The following CXXC1 variants were observed in gnomAD, a reference collection of about 807,000 sequenced individuals.
CXXC1 encodes the protein CXXC finger protein 1.
Under a neutral mutation model 83.6 loss-of-function variants are expected in CXXC1, and 21 were observed. That is an observed-to-expected ratio of 0.25 (90% CI 0.18 to 0.36). The LOEUF is 0.36. Ranked by LOEUF, CXXC1 falls within the 10% of genes least tolerant of loss-of-function variation. The pLI is 1.00. For missense variants in CXXC1, 688 were observed against 919.5 expected (o/e 0.75, Z 3.26); for synonymous variants, 371 against 337.5 (o/e 1.10, Z -1.09).
chr18:50,285,733 C>T lies in CXXC1; in HGVS notation c.639+16G>A. On this transcript the variant is annotated intron_variant, in intron 5 of 14. Coordinates refer to ENST00000285106, the MANE Select transcript of CXXC1 (RefSeq NM_014593.4). The surrounding 1 kb of genome is among the most constrained non-coding windows in gnomAD (Gnocchi z 4.4). ...CTCTCCCACACCTGACCCTACCCAGCTCTGTCCATGCTCACCCGGGCCCGC... is the reference window on the plus strand; with the variant it reads ...CTCTCCCACACCTGACCCTACCCAGTTCTGTCCATGCTCACCCGGGCCCGC... 1 of 1,609,688 alleles carries T rather than the reference C, an allele frequency of 6.2e-7. No individual in the cohort carries two copies. The highest frequency in any genetic ancestry group is 1.7e-4 in the Middle Eastern group (1 of 5,974).
In CXXC1 at chr18:50,285,250, G is replaced by A. The variant is rs545567819; in HGVS notation, c.667-3C>T. 4.3e-6 allele frequency: 7 copies of A among 1,614,086 alleles called. No homozygotes were observed. In the African/African-American group the frequency reaches 9.3e-5, roughly 22 times the overall value. On this transcript the variant is annotated splice_polypyrimidine_tract_variant and splice_region_variant and intron_variant, in intron 6 of 14. Coordinates refer to ENST00000285106, the MANE Select transcript of CXXC1 (RefSeq NM_014593.4). This position sits in a 1 kb window ranked among gnomAD's most constrained non-coding sequence, Gnocchi z 4.4. ...TCTGAGGGCGTCACTGGTGAGAGCTGCAGGGCAGAATCTCAGGACTGGCCC... is the reference window on the plus strand; with the variant it reads ...TCTGAGGGCGTCACTGGTGAGAGCTACAGGGCAGAATCTCAGGACTGGCCC...
At position 50,285,057 on chromosome 18, in the gene CXXC1, A is replaced by G. The variant is rs1460821237; in HGVS notation, c.857T>C (p.Leu286Pro). ...PEPLSDEDLP[L>P]DPDLYQDFCA... ...GAAGTCCTGATACAGGTCAGGATCC[A>G]GAGGTAGGTCCTCATCTGAGAGTGG... The change falls in exon 7 of 15, where the codon CTG becomes CCG. Residue 286 changes from leucine to proline, a missense_variant. This residue lies in a region of CXXC1 where 190 missense variants were observed against 199.7 expected (regional missense o/e 0.95). Coordinates refer to ENST00000285106, the MANE Select transcript of CXXC1 (RefSeq NM_014593.4). The surrounding 1 kb of genome is among the most constrained non-coding windows in gnomAD (Gnocchi z 4.4). 6.8e-6 allele frequency: 11 copies of G among 1,614,266 alleles called. No individual in the cohort carries two copies. Among genetic ancestry groups the G allele is most frequent in the Non-Finnish European group, 9.3e-6 (11 of 1,180,040 alleles).
intron 7 of CXXC1, 51 bp downstream of exon 7, chr18:50,284,951 C>G (rs777513564): frequency 1.9e-6 from 3 of 1,613,026 alleles, no homozygotes; most frequent in Non-Finnish European, 1.7e-6. Flanking sequence ...GGGATACTCT[C>G]TGCTTCTGTA....
intron 11 of CXXC1, 52 bp downstream of exon 11, chr18:50,283,653 C>T: frequency 1.2e-6 from 2 of 1,609,128 alleles, no homozygotes; most frequent in Non-Finnish European, 8.5e-7. Flanking sequence ...CTGTCCCCCA[C>T]TGGCCCACTG....
Position 50,286,151 on chromosome 18 carries a change from C to T in CXXC1, c.330G>A (p.Lys110=), listed in dbSNP as rs201658397. 6.2e-7 allele frequency: 1 copy of T among 1,614,064 alleles called. No individual in the cohort carries two copies. Among genetic ancestry groups the T allele is most frequent in the Non-Finnish European group, 8.5e-7 (1 of 1,180,014 alleles). The stretch of plus-strand genomic sequence containing the variant: ...GCAGGTCTGGATCAGGGACAGGCCT[C>T]TTGCGCCCTCCACCCTCATCCCGGG... ...SEPRDEGGGR[K]RPVPDPDLQR... Residue 110 remains lysine (K), a synonymous_variant, in exon 4 of 15, where the codon AAG becomes AAA. Coordinates refer to ENST00000285106, the MANE Select transcript of CXXC1 (RefSeq NM_014593.4).
At position 50,283,500 on chromosome 18, in the gene CXXC1, G is replaced by A. The variant is rs745594884; in HGVS notation, c.1574+15C>T. On this transcript the variant is annotated intron_variant, in intron 12 of 14. Coordinates refer to ENST00000285106, the MANE Select transcript of CXXC1 (RefSeq NM_014593.4). ...CTTAACCCCCCACCTCTCACTGCGT[G>A]GCACCCTCACTTACCCTTCAATGCG... 3 of 1,612,792 alleles carry A rather than the reference G, an allele frequency of 1.9e-6. No homozygotes were observed. The highest frequency in any genetic ancestry group is 2.2e-5 in the South Asian group (2 of 91,012).
At chr18:50,286,704 G>C (rs1177793675) in intron 2 of CXXC1, 36 bp downstream of exon 2, 3 of 1,606,960 alleles carry the variant, frequency 1.9e-6, no homozygotes, top group South Asian at 1.1e-5. Flanking sequence ...ACCCCACCCT[G>C]CCAGTGTCAG....
At position 50,287,655 on chromosome 18, in the gene CXXC1, C is replaced by T; in HGVS notation, c.-66G>A. On this transcript the variant is annotated 5_prime_UTR_variant, in exon 1 of 15. Transcript: ENST00000285106. ...GACCCGCGAACCTGCACAGACCACT[C>T]GGCGGCGTCCCAGGCGGTTGCAAAG... is the stretch of plus-strand genomic sequence containing the variant. The T allele has an allele frequency of 6.3e-7, 1 of 1,597,700 alleles. No homozygotes were observed. The highest frequency in any genetic ancestry group is 8.5e-7 in the Non-Finnish European group (1 of 1,175,692).
At chr18:50,287,420 C>T in intron 1 of CXXC1, 167 bp downstream of exon 1, 1 of 796,374 alleles carries the variant, frequency 1.3e-6, no homozygotes, top group Non-Finnish European at 2.0e-6. Flanking sequence ...CACCGTGGCT[C>T]ACCATAGAAC....
chr18:50,284,305 G>C (rs1396497197), intron 9 of CXXC1, 73 bp downstream of exon 9: 1 of 1,519,384 alleles, frequency 6.6e-7, no homozygotes, highest in Non-Finnish European at 8.8e-7. Context: ...TTGACTGGTA[G>C]ACATACAGAA....
chr18:50,282,905 G>A lies in CXXC1; in HGVS notation c.1773C>T (p.Tyr591=), dbSNP rs370523882. Residue 591 remains tyrosine (Y), a synonymous_variant, in exon 14 of 15, where the codon TAC becomes TAT. Transcript: ENST00000285106. The surrounding 1 kb of genome is among the most constrained non-coding windows in gnomAD (Gnocchi z 5.8). ...RLPKRQCNRH[Y]CWEKLRRAEV... ...CCGCACGCCGCAGCTTCTCCCAGCA[G>A]TAATGGCGATTGCACTGGCGCTTGG... The A allele has an allele frequency of 3.8e-5, 61 of 1,614,210 alleles. No individual in the cohort carries two copies. In the African/African-American group the frequency reaches 6.9e-4, roughly 18 times the overall value.
At position 50,284,582 on chromosome 18, in the gene CXXC1, A is replaced by G. The variant is rs1204747019; in HGVS notation, c.1021-20T>C. Reference sequence around the variant, plus strand: ...CTCCTTCTGTTGAGCAAGACAAGTCAGGTCAGGGTGGAGTCAAAGTCAGCC... The same window carrying G: ...CTCCTTCTGTTGAGCAAGACAAGTCGGGTCAGGGTGGAGTCAAAGTCAGCC... On this transcript the variant is annotated intron_variant, in intron 8 of 14. Coordinates refer to ENST00000285106, the MANE Select transcript of CXXC1 (RefSeq NM_014593.4). The G allele has an allele frequency of 1.3e-6, 2 of 1,580,000 alleles. No individual in the cohort carries two copies. The highest frequency in any genetic ancestry group is 2.7e-5 in the African/African-American group (2 of 74,258).
At chr18:50,283,226 A>G in intron 13 of CXXC1, 39 bp downstream of exon 13, 1 of 1,539,092 alleles carries the variant, frequency 6.5e-7, no homozygotes, top group Non-Finnish European at 9.0e-7. Context: ...CGAGGCAGGG[A>G]GGAGGGGCAA....
At position 50,282,801 on chromosome 18, in the gene CXXC1, C is replaced by A; in HGVS notation, c.1824+53G>T. On this transcript the variant is annotated intron_variant, in intron 14 of 14. Coordinates refer to ENST00000285106, the MANE Select transcript of CXXC1 (RefSeq NM_014593.4). The surrounding 1 kb of genome is among the most constrained non-coding windows in gnomAD (Gnocchi z 5.8). ...CCTGCAGCCCCGCCTGCCCCGGCCA[C>A]GTCCGACATGGAAACCTACCACATG... 1 of 1,611,936 alleles carries A rather than the reference C, an allele frequency of 6.2e-7. No individual in the cohort carries two copies. Among genetic ancestry groups the A allele is most frequent in the South Asian group, 1.1e-5 (1 of 90,992 alleles).
At position 50,285,589 on chromosome 18, in the gene CXXC1, G is replaced by A. The variant is rs369711403; in HGVS notation, c.639+160C>T. On this transcript the variant is annotated intron_variant, in intron 5 of 14. Coordinates refer to ENST00000285106, the MANE Select transcript of CXXC1 (RefSeq NM_014593.4). The surrounding 1 kb of genome is among the most constrained non-coding windows in gnomAD (Gnocchi z 4.4). Reference sequence around the variant, plus strand: ...GTGTTCTGCCAGCCCAGCATACCAGGTCATGCCCCATTCATCTGGACATGA... The same window carrying A: ...GTGTTCTGCCAGCCCAGCATACCAGATCATGCCCCATTCATCTGGACATGA... 4 of 1,056,102 alleles carry A rather than the reference G, an allele frequency of 3.8e-6. No individual in the cohort carries two copies. The South Asian group carries it at 4.7e-5, about 12-fold the overall frequency. 65.4% of individuals were successfully genotyped at this position (1,056,102 alleles called of 1,614,324 possible). A position where few individuals can be genotyped will look rare whatever the true frequency, so the allele number is the denominator to read the frequency against.
At chr18:50,284,240 G>A in intron 9 of CXXC1, 138 bp downstream of exon 9, 1 of 1,435,822 alleles carries the variant, frequency 7.0e-7, no homozygotes, top group Non-Finnish European at 9.5e-7. Context: ...GCAGGTGGGT[G>A]GGTAGGTGGA....
rs1199769058 is a variant in CXXC1, at chr18:50,286,647, G to A, written c.123-8C>T. 1.2e-6 allele frequency: 2 copies of A among 1,613,876 alleles called. No homozygotes were observed. The highest frequency in any genetic ancestry group is 1.1e-5 in the South Asian group (1 of 91,076). Reference sequence around the variant, plus strand: ...TTGCAGTTGTCACACCCGCTGCAGAGGATGGGGCAGGCGATGGAGATGTGA... The same window carrying A: ...TTGCAGTTGTCACACCCGCTGCAGAAGATGGGGCAGGCGATGGAGATGTGA... On this transcript the variant is annotated splice_region_variant and splice_polypyrimidine_tract_variant and intron_variant, in intron 2 of 14. Transcript: ENST00000285106.
In CXXC1 at chr18:50,286,881, A is replaced by T. The variant is rs771801923; in HGVS notation, c.4-23T>A. The T allele has an allele frequency of 3.3e-6, 5 of 1,526,600 alleles. No individual in the cohort carries two copies. The East Asian group carries it at 1.1e-4, about 35-fold the overall frequency. The allele number at this position is 1,526,600 out of a possible 1,614,324, so 94.6% of individuals were successfully genotyped here. A position where few individuals can be genotyped will look rare whatever the true frequency, so the allele number is the denominator to read the frequency against. ...CTCCTGCAGGACACCCCCATTACGG[A>T]TCCTTAAGCAGCCCCCACCGTGGCG... On this transcript the variant is annotated intron_variant, in intron 1 of 14. Coordinates refer to ENST00000285106, the MANE Select transcript of CXXC1 (RefSeq NM_014593.4).
At chr18:50,287,508 C>T in intron 1 of CXXC1, 79 bp downstream of exon 1, 2 of 1,552,166 alleles carry the variant, frequency 1.3e-6, no homozygotes, top group Non-Finnish European at 1.8e-6. Context: ...ACCACAGACC[C>T]CTGAGTCGGC....
Sources: allele counts gnomAD v4.1 joint callset, GRCh38; gene constraint gnomAD v4.1.1; regional missense constraint gnomAD v4.1.1; non-coding constraint Gnocchi (gnomAD v3.1); transcripts MANE v1.5; gene names NCBI Gene and HGNC (gene_info 2026-07-23, HGNC 2026-07-21).